The following NIBAN2 variants were observed in gnomAD, a reference collection of about 807,000 sequenced individuals.
NIBAN2 encodes niban apoptosis regulator 2.
Under a neutral mutation model 81.8 loss-of-function variants are expected in NIBAN2, and 36 were observed. The observed-to-expected ratio is 0.44, with a 90% confidence interval of 0.34 to 0.58. NIBAN2 has a LOEUF of 0.58. NIBAN2 is among the 20% of genes least tolerant of loss of function. The probability of loss-of-function intolerance (pLI) is 0.02; values close to 1 mark genes in which losing one functional copy is unlikely to be tolerated. For synonymous variants in NIBAN2, 445 were observed against 441.6 expected (o/e 1.01, Z -0.10); for missense variants, 897 against 1,014.1 (o/e 0.88, Z 1.57).
chr9:127,522,289 G>A (rs1402225202), intron 5 of NIBAN2, among the ~76,000 whole-genome samples: 2 of 152,170 alleles, frequency 1.3e-5, no homozygotes, highest in African/African-American at 4.8e-5. Flanking sequence ...GGAGGGGTGG[G>A]GTGAGCTGAG....
At chr9:127,571,569 G>A (rs939795805), upstream of NIBAN2, among the ~76,000 whole-genome samples, 2 of 152,134 alleles carry the variant, frequency 1.3e-5, no homozygotes, top group South Asian at 2.1e-4. Context: ...GGTGGCACGC[G>A]CCTGTAGTCC....
In NIBAN2 at chr9:127,531,742, A is replaced by G. The variant is rs1222586896; in HGVS notation, c.92T>C (p.Phe31Ser). 5 of 1,614,194 alleles carry G rather than the reference A, an allele frequency of 3.1e-6. No homozygotes were observed. Among genetic ancestry groups the G allele is most frequent in the Admixed American group, 1.7e-5 (1 of 60,020 alleles). ...AGCCACGCCATACTGGTCTTCATAGAACTGGAGGAACTCCGTCAGGATCTT... is the reference window on the plus strand; with the variant it reads ...AGCCACGCCATACTGGTCTTCATAGGACTGGAGGAACTCCGTCAGGATCTT... Reference protein sequence around the residue: ...TGKILTEFLQFYEDQYGVALF... With the variant: ...TGKILTEFLQSYEDQYGVALF... The change falls in exon 2 of 14, where the codon TTC (phenylalanine) becomes TCC (serine). Residue 31 changes from phenylalanine to serine, a missense_variant. Transcript: ENST00000373312.
chr9:127,522,372 G>C (rs1158368031), intron 5 of NIBAN2, among the ~76,000 whole-genome samples: 1 of 152,160 alleles, frequency 6.6e-6, no homozygotes, highest in Non-Finnish European at 1.5e-5. Flanking sequence ...GCACCATGTG[G>C]CACTGCGCCC....
At chr9:127,543,599 A>G (rs1837420466) in intron 1 of NIBAN2, among the ~76,000 whole-genome samples, 1 of 152,204 alleles carries the variant, frequency 6.6e-6, no homozygotes, top group Non-Finnish European at 1.5e-5. Context: ...GTTACACAGA[A>G]TCACATCCAA....
At chr9:127,572,929 T>C (rs925513497), upstream of NIBAN2, among the ~76,000 whole-genome samples, 1 of 151,990 alleles carries the variant, frequency 6.6e-6, no homozygotes, top group African/African-American at 2.4e-5. Context: ...ATGCTTGTAG[T>C]CCCAGCTACT....
At chr9:127,540,497 C>CTAA (rs1244298469) in intron 1 of NIBAN2, among the ~76,000 whole-genome samples, 1 of 152,226 alleles carries the variant, frequency 6.6e-6, no homozygotes, top group African/African-American at 2.4e-5. Context: ...CGCTCCTGTG[C>CTAA]TAAGCATTTT....
chr9:127,565,946 T>TCTCTCTCACACACACACACACA (rs751937125), intron 1 of NIBAN2, among the ~76,000 whole-genome samples: 1 of 130,558 alleles, frequency 7.7e-6, no homozygotes, highest in South Asian at 2.6e-4. Context: ...TCTCTCTCTC[T>TCTCTCTCACACACACACACACA]CACACACACA....
chr9:127,527,320 C>T lies in NIBAN2; in HGVS notation c.189G>A (p.Val63=), dbSNP rs762346243. 1.9e-6 allele frequency: 3 copies of T among 1,613,066 alleles called. No individual in the cohort carries two copies. Among genetic ancestry groups the T allele is most frequent in the East Asian group, 2.2e-5 (1 of 44,848 alleles). Residue 63 remains valine, a splice_region_variant and synonymous_variant, in exon 3 of 14, where the codon GTG becomes GTA. Transcript: ENST00000373312. Reference sequence around the variant, plus strand: ...AGAAGACGATGCGCTCGTCCAGTGGCACCTGTGGGCAGGAGCGGGTGGGGA... The same window carrying T: ...AGAAGACGATGCGCTCGTCCAGTGGTACCTGTGGGCAGGAGCGGGTGGGGA... The part of the protein sequence containing the change: ...LPQAQLLWRK[V]PLDERIVFSG...
Position 127,509,150 on chromosome 9 carries a change from C to T in NIBAN2, c.1162-19G>A, listed in dbSNP as rs77666913. The T allele has an allele frequency of 6.6e-3, 10,631 of 1,600,402 alleles. 507 individuals carry two copies. The African/African-American group carries it at 0.11, about 17-fold the overall frequency. On this transcript the variant is annotated intron_variant, in intron 9 of 13. Coordinates refer to ENST00000373312, the MANE Select transcript of NIBAN2 (RefSeq NM_022833.4). Reference sequence around the variant, plus strand: ...CCATGTACTGCAGGGGCCGGGGCCGCGGGGGCTGAGCAGGGCCGCCCTGTG... The same window carrying T: ...CCATGTACTGCAGGGGCCGGGGCCGTGGGGGCTGAGCAGGGCCGCCCTGTG...
chr9:127,551,359 C>T (rs1342891648), intron 1 of NIBAN2, among the ~76,000 whole-genome samples: 4 of 151,886 alleles, frequency 2.6e-5, no homozygotes, highest in African/African-American at 4.8e-5. Context: ...CCCGTCTCTA[C>T]TAAAAACACA....
chr9:127,529,142 C>T (rs1837132182), intron 2 of NIBAN2, among the ~76,000 whole-genome samples: 1 of 152,242 alleles, frequency 6.6e-6, no homozygotes, highest in African/African-American at 2.4e-5. Context: ...CTCTGCGAAG[C>T]TCTCCAATGC....
At chr9:127,577,817 A>G (rs1158599533) in intron 1 of NIBAN2, among the ~76,000 whole-genome samples, 1 of 152,118 alleles carries the variant, frequency 6.6e-6, no homozygotes, top group Admixed American at 6.6e-5. Flanking sequence ...CTGGGCTCAA[A>G]CAATCCTCCC....
At chr9:127,543,424 G>A (rs1837417432) in intron 1 of NIBAN2, among the ~76,000 whole-genome samples, 1 of 152,064 alleles carries the variant, frequency 6.6e-6, no homozygotes, top group Admixed American at 6.6e-5. Flanking sequence ...TCCAAGCTGG[G>A]GTGTGAGCCC....
intron 5 of NIBAN2, among the ~76,000 whole-genome samples, chr9:127,521,849 C>T (rs941067845): frequency 6.6e-6 from 1 of 152,198 alleles, no homozygotes; most frequent in African/African-American, 2.4e-5. Flanking sequence ...GCTCACTGTG[C>T]GTGCCAGGCC....
In NIBAN2 at chr9:127,536,208, C is replaced by T. The variant is rs957621355; in HGVS notation, c.56-4430G>A. ...CCCAGAGACGCAGAAGATGAGGACTCGGGTGCTGGGGACCCCAGGTGTGGA... is the reference window on the plus strand; with the variant it reads ...CCCAGAGACGCAGAAGATGAGGACTTGGGTGCTGGGGACCCCAGGTGTGGA... On this transcript the variant is annotated intron_variant, in intron 1 of 13. Coordinates refer to ENST00000373312, the MANE Select transcript of NIBAN2 (RefSeq NM_022833.4). The surrounding 1 kb of genome is among the most constrained non-coding windows in gnomAD (Gnocchi z 4.0). 3.3e-5 allele frequency among the ~76,000 whole-genome samples: 5 copies of T among 152,146 alleles called. No homozygotes were observed. Among genetic ancestry groups the T allele is most frequent in the Non-Finnish European group, 5.9e-5 (4 of 68,018 alleles).
intron 1 of NIBAN2, among the ~76,000 whole-genome samples, chr9:127,537,459 G>A (rs943398329): frequency 6.6e-6 from 1 of 152,148 alleles, no homozygotes; most frequent in African/African-American, 2.4e-5. Flanking sequence ...CTGAAGAACC[G>A]GGACAAGAAT....
At chr9:127,564,588 A>C (rs1362979088) in intron 1 of NIBAN2, among the ~76,000 whole-genome samples, 2 of 152,144 alleles carry the variant, frequency 1.3e-5, no homozygotes, top group Non-Finnish European at 2.9e-5. Flanking sequence ...ATCTCTTTTT[A>C]TAGGTTGGGC....
intron 1 of NIBAN2, among the ~76,000 whole-genome samples, chr9:127,564,173 G>A (rs909799100): frequency 6.6e-6 from 1 of 151,854 alleles, no homozygotes; most frequent in Admixed American, 6.6e-5. Flanking sequence ...GGCACCTGTA[G>A]TCCCAGCTAC....
intron 9 of NIBAN2, among the ~76,000 whole-genome samples, chr9:127,509,377 G>A (rs979373482): frequency 1.6e-4 from 25 of 152,104 alleles, no homozygotes; most frequent in Admixed American, 4.6e-4. Flanking sequence ...CCTCGGTGCC[G>A]GCAGAAGGCA....
Sources: allele counts gnomAD v4.1 joint callset (sites outside exome capture counted in the v4.1 genomes callset), GRCh38; gene constraint gnomAD v4.1.1; non-coding constraint Gnocchi (gnomAD v3.1); transcripts MANE v1.5; gene names NCBI Gene and HGNC (gene_info 2026-07-23, HGNC 2026-07-21).